Variants in PTPRM observed in about 807,000 individuals in gnomAD.
PTPRM encodes receptor-type tyrosine-protein phosphatase mu.
A neutral mutation model predicts 186.7 loss-of-function variants in PTPRM; 47 were observed. That is an observed-to-expected ratio of 0.25 (90% CI 0.20 to 0.32). The LOEUF (loss-of-function observed/expected upper bound fraction) is 0.32. Among genes scored for constraint, PTPRM ranks in the 10% least tolerant of loss-of-function variants. PTPRM has a pLI of 1.00. For missense variants in PTPRM, 1,494 were observed against 1,865.0 expected (o/e 0.80, Z 3.66); for synonymous variants, 668 against 674.9 (o/e 0.99, Z 0.16).
At chr18:8,270,249 A>T (rs1218766521) in intron 19 of PTPRM, 1 of 149,060 alleles carries the variant, frequency 6.7e-6, no homozygotes, top group Non-Finnish European at 1.5e-5. Flanking sequence ...AAAAAAAAAA[A>T]TCCTTAAGAA....
chr18:7,772,369 T>TTCTTTCTTTCTTTCTTTCTTTC (rs1568108311), intron 1 of PTPRM, among the ~76,000 whole-genome samples: 165 of 100,264 alleles, frequency 1.6e-3, no homozygotes, highest in African/African-American at 5.5e-3. Context: ...CTTTCTTTCT[T>TTCTTTCTTTCTTTCTTTCTTTC]TCTTTCTTTC....
At chr18:7,835,589 G>A (rs2046003621) in intron 2 of PTPRM, among the ~76,000 whole-genome samples, 2 of 152,172 alleles carry the variant, frequency 1.3e-5, no homozygotes, top group South Asian at 4.1e-4. Context: ...TATCTACCAG[G>A]TTCATTTGGT....
chr18:8,128,535 TGGGCTATA>T (rs1350797738), intron 13 of PTPRM, among the ~76,000 whole-genome samples: 1 of 152,214 alleles, frequency 6.6e-6, no homozygotes, highest in Non-Finnish European at 1.5e-5. Context: ...TGCATTTTAA[TGGGCTATA>T]GTGTCACTGT....
intron 5 of PTPRM, among the ~76,000 whole-genome samples, chr18:7,943,102 C>T (rs1322392402): frequency 6.6e-6 from 1 of 152,130 alleles, no homozygotes; most frequent in Non-Finnish European, 1.5e-5. Flanking sequence ...TGCCTCTCCC[C>T]ATCCTTGCCC....
At chr18:7,770,971 G>A (rs1271289675) in intron 1 of PTPRM, among the ~76,000 whole-genome samples, 1 of 151,584 alleles carries the variant, frequency 6.6e-6, no homozygotes, top group Non-Finnish European at 1.5e-5. Context: ...CATAAGTCCC[G>A]AAAGAACCAT....
At chr18:8,144,651 G>A (rs965758035) in intron 14 of PTPRM, among the ~76,000 whole-genome samples, 1 of 152,096 alleles carries the variant, frequency 6.6e-6, no homozygotes, top group African/African-American at 2.4e-5. Flanking sequence ...GGGATAGTCT[G>A]GGGGAGAGAA....
chr18:8,246,827 T>C (rs1438308273), intron 15 of PTPRM, among the ~76,000 whole-genome samples: 1 of 152,226 alleles, frequency 6.6e-6, no homozygotes, highest in Non-Finnish European at 1.5e-5. Context: ...AAATGCACTC[T>C]CCTAAACGGA....
At chr18:8,293,516 T>C (rs1031027544) in intron 19 of PTPRM, among the ~76,000 whole-genome samples, 3 of 144,722 alleles carry the variant, frequency 2.1e-5, no homozygotes, top group Non-Finnish European at 3.1e-5. Flanking sequence ...GTCACTTTTC[T>C]TCTTCCATCT....
At chr18:8,331,590 A>G (rs541736554) in intron 22 of PTPRM, among the ~76,000 whole-genome samples, 1 of 152,374 alleles carries the variant, frequency 6.6e-6, no homozygotes, top group African/African-American at 2.4e-5. Flanking sequence ...TCCAAAAGAC[A>G]TATCTCTCAA....
At chr18:7,746,302 A>G (rs1317447910) in intron 1 of PTPRM, among the ~76,000 whole-genome samples, 3 of 152,328 alleles carry the variant, frequency 2.0e-5, no homozygotes, top group Admixed American at 6.5e-5. Flanking sequence ...TGATTTCTCA[A>G]CAGAAACAAT....
rs8092068 is a variant in PTPRM, at chr18:7,593,340, C to T, written c.73+25449C>T. On this transcript the variant is annotated intron_variant, in intron 1 of 32. Transcript: ENST00000580170. ...AATGTTAAAAAGCAAGCCACTTGAG[C>T]GGAAAGTAATTGCCCTGATAAGCAC... Among the ~76,000 whole-genome samples, 1,127 of 152,180 alleles carry T rather than the reference C, an allele frequency of 7.4e-3. 9 individuals carry two copies. Among genetic ancestry groups the T allele is most frequent in the African/African-American group, 0.025 (1,050 of 41,520 alleles).
intron 7 of PTPRM, among the ~76,000 whole-genome samples, chr18:7,996,738 C>T (rs1424075887): frequency 6.6e-6 from 1 of 150,808 alleles, no homozygotes; most frequent in Non-Finnish European, 1.5e-5. Flanking sequence ...CATTTCTATA[C>T]CTAAACAGCA....
chr18:8,268,571 T>C (rs1487096512), intron 19 of PTPRM, among the ~76,000 whole-genome samples: 2 of 152,006 alleles, frequency 1.3e-5, no homozygotes, highest in East Asian at 3.9e-4. Flanking sequence ...AGTTCCAAAC[T>C]CATTTTACAA....
At chr18:7,581,212 C>T (rs1184090642) in intron 1 of PTPRM, among the ~76,000 whole-genome samples, 6 of 152,134 alleles carry the variant, frequency 3.9e-5, no homozygotes, top group Non-Finnish European at 7.3e-5. Context: ...AAGGTGGGCA[C>T]GGGATTCCAA....
chr18:7,718,817 C>G (rs1388613714), intron 1 of PTPRM, among the ~76,000 whole-genome samples: 2 of 152,014 alleles, frequency 1.3e-5, no homozygotes, highest in African/African-American at 4.8e-5. Flanking sequence ...AATGCTCAAC[C>G]TCACTACTTA....
intron 1 of PTPRM, among the ~76,000 whole-genome samples, chr18:7,756,085 C>G (rs925231694): frequency 6.6e-6 from 1 of 152,128 alleles, no homozygotes; most frequent in African/African-American, 2.4e-5. Flanking sequence ...ATATTAATTT[C>G]CTCTCTAGTA....
intron 23 of PTPRM, among the ~76,000 whole-genome samples, chr18:8,346,453 G>A (rs1054239499): frequency 6.6e-6 from 1 of 152,174 alleles, no homozygotes; most frequent in East Asian, 1.9e-4. Context: ...ACAAGGACAC[G>A]AATCCTATTG....
chr18:7,680,157 C>T (rs1457142069), intron 1 of PTPRM, among the ~76,000 whole-genome samples: 1 of 152,196 alleles, frequency 6.6e-6, no homozygotes, highest in South Asian at 2.1e-4. Flanking sequence ...TGAGCCACTA[C>T]GCCTGGCTGA....
At chr18:8,088,653 C>G (rs1180921947) in intron 10 of PTPRM, 96 bp from the exon 11 acceptor site, 1 of 984,564 alleles carries the variant, frequency 1.0e-6, no homozygotes. Flanking sequence ...AGTAAATGCA[C>G]TGTGTTCTTA....
Sources: gnomAD v4.1 joint callset for allele counts (sites outside exome capture counted in the v4.1 genomes callset) on GRCh38, gnomAD v4.1.1 for gene constraint, MANE v1.5 for transcripts, NCBI Gene and HGNC (gene_info 2026-07-23, HGNC 2026-07-21) for gene names.